SMARCA5: variants seen among roughly 807,000 people sequenced by gnomAD.
SMARCA5 encodes SWI/SNF-related matrix-associated actin-dependent regulator of chromatin subfamily A member 5.
A neutral mutation model predicts 140.4 loss-of-function variants in SMARCA5; 18 were observed. That is an observed-to-expected ratio of 0.13 (90% CI 0.09 to 0.19). SMARCA5 has a LOEUF of 0.19. Among genes scored for constraint, SMARCA5 ranks in the 10% least tolerant of loss-of-function variants. The probability of loss-of-function intolerance (pLI) is 1.00; values close to 1 mark genes in which losing one functional copy is unlikely to be tolerated. For missense variants in SMARCA5, 606 were observed against 1,276.8 expected (o/e 0.47, Z 8.01); for synonymous variants, 449 against 419.6 (o/e 1.07, Z -0.86).
Position 143,528,035 on chromosome 4 carries a change from C to A in SMARCA5, c.957+12C>A. On this transcript the variant is annotated intron_variant, in intron 7 of 23. Transcript: ENST00000283131. The stretch of plus-strand genomic sequence containing the variant: ...ATGAAAAATCTAAGGTAATTTGATA[C>A]TTAGATGTGAAAAGCCTTCATGTAA... 5.8e-6 allele frequency: 9 copies of A among 1,540,386 alleles called. No individual in the cohort carries two copies. In the South Asian group the frequency reaches 1.1e-4, roughly 19 times the overall value.
intron 2 of SMARCA5, among the ~76,000 whole-genome samples, chr4:143,521,020 C>T (rs1736946413): frequency 6.6e-6 from 1 of 152,172 alleles, no homozygotes; most frequent in African/African-American, 2.4e-5. Flanking sequence ...TTCCGATCAA[C>T]TGTATTGAAG....
intron 10 of SMARCA5, 120 bp downstream of exon 10, chr4:143,535,084 A>G (rs1737276164): frequency 1.5e-6 from 1 of 669,744 alleles, no homozygotes; most frequent in Middle Eastern, 3.0e-4. Flanking sequence ...ACTCAACCTG[A>G]AAAGAGTTTT....
At chr4:143,514,736 A>T (rs1578787568) in intron 1 of SMARCA5, 2 of 152,286 alleles carry the variant, frequency 1.3e-5, no homozygotes, top group African/African-American at 4.8e-5. Flanking sequence ...GGAAGCAACC[A>T]AGGCAGCAGC....
At chr4:143,523,209 T>C (rs923851476) in intron 3 of SMARCA5, among the ~76,000 whole-genome samples, 2 of 152,074 alleles carry the variant, frequency 1.3e-5, no homozygotes, top group African/African-American at 4.8e-5. Context: ...GTATTTTTGG[T>C]AGAGATGGGG....
Position 143,554,975 on chromosome 4 carries a change from C to G in SMARCA5, c.*1791C>G. The stretch of plus-strand genomic sequence containing the variant: ...AAAAAAAGCATGAACCAGCTAGGCC[C>G]TGCCACCACTGTGTTTGGCCAAGTT... On this transcript the variant is annotated 3_prime_UTR_variant, in exon 24 of 24. Coordinates refer to ENST00000283131, the MANE Select transcript of SMARCA5 (RefSeq NM_003601.4). 1 of 451,212 alleles carries G rather than the reference C, an allele frequency of 2.2e-6. No individual in the cohort carries two copies. Among genetic ancestry groups the G allele is most frequent in the Non-Finnish European group, 4.2e-6 (1 of 237,322 alleles). 28.0% of individuals were successfully genotyped at this position (451,212 alleles called of 1,614,324 possible).
At chr4:143,523,051 T>C (rs1050153091) in intron 3 of SMARCA5, among the ~76,000 whole-genome samples, 1 of 152,200 alleles carries the variant, frequency 6.6e-6, no homozygotes, top group African/African-American at 2.4e-5. Flanking sequence ...TTTGTTTTTA[T>C]TGAGACAGAG....
intron 13 of SMARCA5, among the ~76,000 whole-genome samples, chr4:143,539,775 G>T (rs28651495): frequency 0.22 from 33,918 of 151,966 alleles, 4,199 homozygotes; most frequent in East Asian, 0.6. Flanking sequence ...ACCTTCAGGT[G>T]ATCCACCCAC....
In SMARCA5 at chr4:143,549,984, G is replaced by A. The variant is rs1428672931; in HGVS notation, c.2986-13G>A. 2.1e-6 allele frequency: 3 copies of A among 1,456,236 alleles called. No individual in the cohort carries two copies. Among genetic ancestry groups the A allele is most frequent in the East Asian group, 2.3e-5 (1 of 43,650 alleles). The allele number at this position is 1,456,236 out of a possible 1,614,324, so 90.2% of individuals were successfully genotyped here. A position where few individuals can be genotyped will look rare whatever the true frequency, so the allele number is the denominator to read the frequency against. ...GATGGAAAGTGCGTGTACCATGTTT[G>A]TTTATAATTTAGGAGCTCCAGAGGA... On this transcript the variant is annotated splice_polypyrimidine_tract_variant and intron_variant, in intron 22 of 23. Coordinates refer to ENST00000283131, the MANE Select transcript of SMARCA5 (RefSeq NM_003601.4).
At chr4:143,542,734 A>G (rs1737453979) in intron 14 of SMARCA5, among the ~76,000 whole-genome samples, 2 of 152,156 alleles carry the variant, frequency 1.3e-5, no homozygotes, top group South Asian at 2.1e-4. Context: ...TTATACCTGT[A>G]TTTTTGAAAA....
intron 14 of SMARCA5, among the ~76,000 whole-genome samples, chr4:143,540,708 T>G (rs1291701076): frequency 6.6e-6 from 1 of 152,230 alleles, no homozygotes; most frequent in Non-Finnish European, 1.5e-5. Flanking sequence ...ATAATGAGTC[T>G]GCCAGTTAGC....
At position 143,538,868 on chromosome 4, in the gene SMARCA5, A is replaced by G; in HGVS notation, c.1700A>G (p.Asn567Ser). Residue 567 changes from asparagine (N) to serine (S), a missense_variant, in exon 13 of 24, where the codon AAT becomes AGT. Physicochemically the swap from Asn to Ser is conservative, Grantham distance 46. This residue lies in a region of SMARCA5 where 68 missense variants were observed against 126.9 expected (regional missense o/e 0.54). Transcript: ENST00000283131. The part of the protein sequence containing the change: ...LSTRAGGLGI[N>S]LATADVVILY... The stretch of plus-strand genomic sequence containing the variant: ...ACGCGTGCTGGTGGTCTTGGCATCA[A>G]TCTTGCGACTGCTGATGTAGTAATT... 1 of 1,614,122 alleles carries G rather than the reference A, an allele frequency of 6.2e-7. No homozygotes were observed. The highest frequency in any genetic ancestry group is 1.7e-5 in the Admixed American group (1 of 60,016).
At chr4:143,550,622 TTCTC>T (rs769623840) in intron 23 of SMARCA5, among the ~76,000 whole-genome samples, 85 of 152,094 alleles carry the variant, frequency 5.6e-4, no homozygotes, top group Admixed American at 1.6e-3. Flanking sequence ...GTATCCATCC[TTCTC>T]TCTGTCTCCA....
At chr4:143,536,129 C>T (rs543094255) in intron 10 of SMARCA5, among the ~76,000 whole-genome samples, 3 of 152,248 alleles carry the variant, frequency 2.0e-5, no homozygotes, top group South Asian at 4.1e-4. Flanking sequence ...TTAAAACTTA[C>T]ATTTTTTAAG....
chr4:143,555,392 A>G lies in SMARCA5; in HGVS notation c.*2208A>G, dbSNP rs1020595771. On this transcript the variant is annotated 3_prime_UTR_variant, in exon 24 of 24. Coordinates refer to ENST00000283131, the MANE Select transcript of SMARCA5 (RefSeq NM_003601.4). ...ATCACCACCACCATGGCTGCCACCA[A>G]AGCCACCACGATCACAGAACTTGAT... The G allele has an allele frequency of 8.9e-6, 6 of 677,502 alleles. No homozygotes were observed. Among genetic ancestry groups the G allele is most frequent in the East Asian group, 2.8e-5 (1 of 36,014 alleles). 42.0% of individuals were successfully genotyped at this position (677,502 alleles called of 1,614,324 possible).
chr4:143,523,067 C>T (rs1173093193), intron 3 of SMARCA5, among the ~76,000 whole-genome samples: 4 of 152,104 alleles, frequency 2.6e-5, no homozygotes, highest in Non-Finnish European at 5.9e-5. Context: ...CAGAGTCTTG[C>T]TCTGTGGCCC....
chr4:143,533,498 C>CTTTTT (rs10580434), intron 9 of SMARCA5, among the ~76,000 whole-genome samples: 12 of 127,546 alleles, frequency 9.4e-5, no homozygotes, highest in East Asian at 2.6e-4. Context: ...CTTGTCCATT[C>CTTTTT]TTTTTTTTTT....
At chr4:143,515,012 G>C (rs1736798257) in intron 1 of SMARCA5, among the ~76,000 whole-genome samples, 1 of 152,160 alleles carries the variant, frequency 6.6e-6, no homozygotes, top group East Asian at 1.9e-4. Context: ...TTTGCATCTG[G>C]GAACAAAGTA....
rs535328267 is a variant in SMARCA5 at position 143,518,437 on chromosome 4, C to T, written c.252+1008C>T. On this transcript the variant is annotated intron_variant, in intron 2 of 23. Transcript: ENST00000283131. ...TGTATTAAATAAGAATACCACTACA[C>T]AGTGTGCTCCTGTAGGGTAAAAACA... Among the ~76,000 whole-genome samples, 12 of 152,278 alleles carry T rather than the reference C, an allele frequency of 7.9e-5. No individual in the cohort carries two copies. The South Asian group carries it at 2.3e-3, about 29-fold the overall frequency.
intron 2 of SMARCA5, among the ~76,000 whole-genome samples, chr4:143,520,618 A>G (rs1479346562): frequency 6.6e-6 from 1 of 152,180 alleles, no homozygotes; most frequent in Non-Finnish European, 1.5e-5. Flanking sequence ...TTATTCCCAA[A>G]CTGACATTTT....
Sources: allele counts gnomAD v4.1 joint callset (sites outside exome capture counted in the v4.1 genomes callset), GRCh38; gene constraint gnomAD v4.1.1; regional missense constraint gnomAD v4.1.1; transcripts MANE v1.5; gene names NCBI Gene and HGNC (gene_info 2026-07-23, HGNC 2026-07-21).